Variants in NDST3 observed in about 807,000 individuals in gnomAD.
The protein encoded by NDST3 is N-deacetylase and N-sulfotransferase 3.
In NDST3, 58 loss-of-function variants were observed where a neutral mutation model predicts 96.1. The observed-to-expected ratio is 0.60, with a 90% CI of 0.49 to 0.75. The LOEUF (loss-of-function observed/expected upper bound fraction) is 0.75. NDST3 is among the 30% of genes least tolerant of loss of function. The pLI is 0.00. For synonymous variants in NDST3, 333 were observed against 359.7 expected (o/e 0.93, Z 0.84); for missense variants, 788 against 1,034.2 (o/e 0.76, Z 3.27).
intron 12 of NDST3, among the ~76,000 whole-genome samples, chr4:118,249,619 T>G (rs1318492439): frequency 2.0e-5 from 3 of 152,106 alleles, no homozygotes; most frequent in Non-Finnish European, 4.4e-5. Context: ...AAGTGATTAT[T>G]CTCTCTAATA....
intron 6 of NDST3, among the ~76,000 whole-genome samples, chr4:118,152,663 T>C (rs1734475882): frequency 6.6e-6 from 1 of 152,186 alleles, no homozygotes. Context: ...AGTGCTTTAT[T>C]TTGAACCCAA....
At chr4:118,078,363 T>C (rs530290986) in intron 2 of NDST3, among the ~76,000 whole-genome samples, 8 of 152,322 alleles carry the variant, frequency 5.3e-5, no homozygotes, top group African/African-American at 1.7e-4. Flanking sequence ...TTTTATAGAC[T>C]GAAAGGCTTC....
chr4:118,251,373 G>A (rs1424604141), intron 12 of NDST3, among the ~76,000 whole-genome samples: 1 of 151,808 alleles, frequency 6.6e-6, no homozygotes. Flanking sequence ...TGATCCGCCT[G>A]CCTCGGCCTT....
At chr4:118,132,970 C>T (rs532915182) in intron 4 of NDST3, among the ~76,000 whole-genome samples, 2 of 152,180 alleles carry the variant, frequency 1.3e-5, no homozygotes, top group African/African-American at 4.8e-5. Context: ...TTGCTCTCCT[C>T]GCCTTAAACA....
At chr4:118,182,030 A>C (rs150512963) in intron 6 of NDST3, among the ~76,000 whole-genome samples, 87 of 152,286 alleles carry the variant, frequency 5.7e-4, no homozygotes, top group Middle Eastern at 3.4e-3. Flanking sequence ...GTCCAGAGCC[A>C]CTTCCCAAAG....
chr4:118,212,752 A>C (rs1738888174), intron 6 of NDST3, among the ~76,000 whole-genome samples: 1 of 152,154 alleles, frequency 6.6e-6, no homozygotes, highest in African/African-American at 2.4e-5. Flanking sequence ...GAAAGAACCA[A>C]ATGAGCTCCA....
chr4:118,228,441 T>C (rs1417188248), intron 8 of NDST3, among the ~76,000 whole-genome samples: 2 of 152,220 alleles, frequency 1.3e-5, no homozygotes, highest in African/African-American at 4.8e-5. Context: ...TTTGATATCA[T>C]GGTTAGATGG....
At chr4:118,046,849 C>T (rs1287643674) in intron 1 of NDST3, among the ~76,000 whole-genome samples, 3 of 152,142 alleles carry the variant, frequency 2.0e-5, no homozygotes, top group Non-Finnish European at 4.4e-5. Context: ...TGCCTCCCTC[C>T]ACAGGATTTG....
chr4:118,125,331 A>G (rs925473110), intron 4 of NDST3, among the ~76,000 whole-genome samples: 1 of 152,082 alleles, frequency 6.6e-6, no homozygotes, highest in Non-Finnish European at 1.5e-5. Flanking sequence ...AGCTGCCAAC[A>G]GGGGATGATT....
intron 2 of NDST3, among the ~76,000 whole-genome samples, chr4:118,104,311 C>G (rs1313921637): frequency 1.3e-5 from 2 of 151,574 alleles, no homozygotes; most frequent in Non-Finnish European, 2.9e-5. Context: ...GAGACAGAGA[C>G]AGAGAAGGAG....
At chr4:118,179,504 G>T (rs1209046664) in intron 6 of NDST3, among the ~76,000 whole-genome samples, 1 of 151,838 alleles carries the variant, frequency 6.6e-6, no homozygotes, top group African/African-American at 2.4e-5. Context: ...ATTTGGAAGT[G>T]GTAAGGGAGG....
At chr4:118,142,785 TTTA>T (rs1733662552) in intron 5 of NDST3, among the ~76,000 whole-genome samples, 1 of 152,198 alleles carries the variant, frequency 6.6e-6, no homozygotes, top group African/African-American at 2.4e-5. Flanking sequence ...CACACCTTCT[TTTA>T]TAATTGCAAA....
chr4:118,188,603 A>T (rs1737117453), intron 6 of NDST3, among the ~76,000 whole-genome samples: 1 of 152,182 alleles, frequency 6.6e-6, no homozygotes, highest in East Asian at 1.9e-4. Context: ...CTGATTTAGC[A>T]TGAAAATCTG....
At chr4:118,072,016 T>A (rs1011554744) in intron 2 of NDST3, among the ~76,000 whole-genome samples, 2 of 152,030 alleles carry the variant, frequency 1.3e-5, no homozygotes, top group African/African-American at 4.8e-5. Flanking sequence ...TGAACATTTT[T>A]TATATGAAGA....
intron 1 of NDST3, among the ~76,000 whole-genome samples, chr4:118,037,931 G>A (rs1177146823): frequency 2.6e-5 from 4 of 151,922 alleles, no homozygotes; most frequent in African/African-American, 9.7e-5. Context: ...TTCATTATTC[G>A]TTTCTACTCT....
intron 3 of NDST3, among the ~76,000 whole-genome samples, chr4:118,113,058 G>A (rs1227194290): frequency 6.6e-6 from 1 of 152,126 alleles, no homozygotes; most frequent in African/African-American, 2.4e-5. Flanking sequence ...AGGAAATACA[G>A]GAGGAAAAGA....
At chr4:118,062,329 G>C (rs1016287961) in intron 2 of NDST3, among the ~76,000 whole-genome samples, 2 of 151,918 alleles carry the variant, frequency 1.3e-5, no homozygotes, top group African/African-American at 4.8e-5. Flanking sequence ...GCTCACACTG[G>C]GAAGATTGGT....
chr4:118,090,511 G>C (rs1375543512), intron 2 of NDST3, among the ~76,000 whole-genome samples: 1 of 151,854 alleles, frequency 6.6e-6, no homozygotes, highest in East Asian at 1.9e-4. Flanking sequence ...ACGAATTAAT[G>C]AACTTTCTTT....
In NDST3 at chr4:118,035,439, G is replaced by GTT. The variant is rs34646125; in HGVS notation, c.-156+858_-156+859dup. On this transcript the variant is annotated intron_variant, in intron 1 of 13. Coordinates refer to ENST00000296499, the MANE Select transcript of NDST3 (RefSeq NM_004784.3). Reference sequence around the variant, plus strand: ...GATCTGGGACACACACTTTTTTTTTGTTTTTTTTTTTTGCCCTTAGAAAAT... The same window carrying GTT: ...GATCTGGGACACACACTTTTTTTTTGTTTTTTTTTTTTTTGCCCTTAGAAAAT... Among the ~76,000 whole-genome samples, 452 of 137,842 alleles carry GTT rather than the reference G, an allele frequency of 3.3e-3. 3 individuals are homozygous for GTT. The highest frequency in any genetic ancestry group is 0.011 in the African/African-American group (417 of 38,442). 90.4% of individuals were successfully genotyped at this position (137,842 alleles called of 152,430 possible).
Sources: gnomAD v4.1 joint callset for allele counts (sites outside exome capture counted in the v4.1 genomes callset) on GRCh38, gnomAD v4.1.1 for gene constraint, MANE v1.5 for transcripts, NCBI Gene and HGNC (gene_info 2026-07-23, HGNC 2026-07-21) for gene names.